LCORL: variants seen among roughly 807,000 people sequenced by gnomAD.
LCORL encodes the protein ligand dependent nuclear receptor corepressor like.
LCORL carries 41 observed loss-of-function variants against 141.8 expected under a neutral mutation model. That is an observed-to-expected ratio of 0.29 (90% CI 0.23 to 0.38). The LOEUF (loss-of-function observed/expected upper bound fraction) is 0.38. LCORL is among the 10% of genes least tolerant of loss of function. LCORL has a pLI of 1.00. For missense variants in LCORL, 1,759 were observed against 2,035.0 expected (o/e 0.86, Z 2.61); for synonymous variants, 618 against 694.1 (o/e 0.89, Z 1.72).
rs116669698 is a variant in LCORL, at chr4:18,011,240, C to G, written c.154+10358G>C. Among the ~76,000 whole-genome samples the G allele has an allele frequency of 2.7e-3, 404 of 152,100 alleles. 3 individuals carry two copies. The highest frequency in any genetic ancestry group is 9.2e-3 in the African/African-American group (382 of 41,490). On this transcript the variant is annotated intron_variant, in intron 1 of 7. Coordinates refer to ENST00000635767, the Ensembl canonical transcript of LCORL. ...GTTTTATTTCTCAAGTTGTTCAGAG[C>G]CCAAGCAGAATGTCTTAATACATTC...
At chr4:17,871,637 A>G (rs1029007553) in intron 7 of LCORL, among the ~76,000 whole-genome samples, 6 of 152,056 alleles carry the variant, frequency 3.9e-5, no homozygotes, top group African/African-American at 1.2e-4. Flanking sequence ...GATATAAAGA[A>G]TTAAAAATGA....
intron 6 of LCORL, chr4:17,883,993 A>G (rs1404102156): frequency 6.4e-7 from 1 of 1,550,800 alleles, no homozygotes. Flanking sequence ...TGGGCTGCTT[A>G]CTGTCTTTTC....
chr4:17,968,722 G>C (rs1460449444), intron 2 of LCORL, among the ~76,000 whole-genome samples: 1 of 152,158 alleles, frequency 6.6e-6, no homozygotes, highest in Non-Finnish European at 1.5e-5. Context: ...CAAGGAATGA[G>C]TGAGACTATG....
intron 7 of LCORL, among the ~76,000 whole-genome samples, chr4:17,854,404 C>A (rs1470641130): frequency 1.3e-5 from 2 of 152,136 alleles, no homozygotes; most frequent in African/African-American, 4.8e-5. Flanking sequence ...TCAAAGATAT[C>A]CGTGTTTTCA....
At chr4:17,896,559 G>C (rs1729958526) in intron 5 of LCORL, among the ~76,000 whole-genome samples, 1 of 152,150 alleles carries the variant, frequency 6.6e-6, no homozygotes, top group African/African-American at 2.4e-5. Context: ...TGGGATTACA[G>C]GTGTGAGCCA....
At chr4:17,934,579 A>C (rs1320557058) in intron 4 of LCORL, among the ~76,000 whole-genome samples, 2 of 152,168 alleles carry the variant, frequency 1.3e-5, no homozygotes, top group Non-Finnish European at 2.9e-5. Flanking sequence ...TTTATTCCTT[A>C]ATGAATAATG....
intron 4 of LCORL, among the ~76,000 whole-genome samples, chr4:17,914,449 T>C (rs1299629417): frequency 7.2e-5 from 11 of 152,226 alleles, no homozygotes; most frequent in Non-Finnish European, 1.3e-4. Context: ...GCACAATACA[T>C]AGTGCTACTC....
At position 17,910,749 on chromosome 4, in the gene LCORL, T is replaced by C. The variant is rs16896020; in HGVS notation, c.431-1404A>G. Reference sequence around the variant, plus strand: ...TAGCAAAACATGACTTAAGCTGATATAAGCTGGTCCTGCATAACTGTCAAT... The same window carrying C: ...TAGCAAAACATGACTTAAGCTGATACAAGCTGGTCCTGCATAACTGTCAAT... On this transcript the variant is annotated intron_variant, in intron 4 of 7. Transcript: ENST00000635767. Among the ~76,000 whole-genome samples the C allele has an allele frequency of 3.4e-3, 514 of 152,338 alleles. 7 individuals carry two copies. The highest frequency in any genetic ancestry group is 0.012 in the African/African-American group (480 of 41,570).
rs1238781739 is a variant in LCORL, at chr4:17,884,230, C to T, written c.776+1838G>A. Reference sequence around the variant, plus strand: ...TTTTGGAAACTTGATACATAACATCCAACAGACCAGAACCATCAGGTTGTG... The same window carrying T: ...TTTTGGAAACTTGATACATAACATCTAACAGACCAGAACCATCAGGTTGTG... On this transcript the variant is annotated intron_variant, in intron 6 of 7. Coordinates refer to ENST00000635767, the Ensembl canonical transcript of LCORL. This position sits in a 1 kb window ranked among gnomAD's most constrained non-coding sequence, Gnocchi z 4.4. 11 of 1,550,078 alleles carry T rather than the reference C, an allele frequency of 7.1e-6. No homozygotes were observed. The highest frequency in any genetic ancestry group is 1.7e-4 in the Middle Eastern group (1 of 5,992).
intron 4 of LCORL, among the ~76,000 whole-genome samples, chr4:17,917,050 T>C (rs375036460): frequency 6.6e-6 from 1 of 151,444 alleles, no homozygotes; most frequent in East Asian, 2.0e-4. Flanking sequence ...TCTCGGCTCA[T>C]TGCAACCTCT....
intron 5 of LCORL, among the ~76,000 whole-genome samples, chr4:17,892,557 G>A (rs1479523570): frequency 6.6e-6 from 1 of 151,944 alleles, no homozygotes; most frequent in African/African-American, 2.4e-5. Flanking sequence ...GATGTGTTTT[G>A]TTTTGTATAT....
intron 1 of LCORL, among the ~76,000 whole-genome samples, chr4:18,000,829 T>C (rs1467622488): frequency 1.3e-5 from 2 of 152,154 alleles, no homozygotes; most frequent in African/African-American, 4.8e-5. Context: ...CTTGATCTGG[T>C]GGTGGTTATA....
chr4:17,870,380 T>C (rs1726203198), intron 7 of LCORL, among the ~76,000 whole-genome samples: 1 of 152,150 alleles, frequency 6.6e-6, no homozygotes, highest in Admixed American at 6.5e-5. Flanking sequence ...AACACTCCTC[T>C]TCCAACTTCT....
At chr4:17,906,688 CTTTTTTTT>C (rs36083281) in intron 5 of LCORL, among the ~76,000 whole-genome samples, 2 of 134,020 alleles carry the variant, frequency 1.5e-5, no homozygotes, top group African/African-American at 2.8e-5. Context: ...TTTAAAATGC[CTTTTTTTT>C]TTTTTTTTTG....
intron 1 of LCORL, among the ~76,000 whole-genome samples, chr4:17,982,624 T>A (rs1489475604): frequency 6.6e-6 from 1 of 152,194 alleles, no homozygotes; most frequent in African/African-American, 2.4e-5. Flanking sequence ...ATGGAAATTT[T>A]TTTTCTTGTA....
intron 4 of LCORL, among the ~76,000 whole-genome samples, chr4:17,924,871 C>T (rs147376775): frequency 1.1e-3 from 164 of 152,154 alleles, no homozygotes; most frequent in African/African-American, 3.8e-3. Flanking sequence ...GGGGCTAGGG[C>T]GAAGTTCTCC....
Position 17,867,987 on chromosome 4 carries a change from T to C in LCORL, c.5602+5401A>G, listed in dbSNP as rs538857353. ...AAATATAAACAGAATGTATCTTTAT[T>C]AAAAATTCCTCAGGGGGGTTGGGTG... is the stretch of plus-strand genomic sequence containing the variant. On this transcript the variant is annotated intron_variant, in intron 7 of 7. Transcript: ENST00000635767. 9.2e-5 allele frequency among the ~76,000 whole-genome samples: 14 copies of C among 152,260 alleles called. No individual in the cohort carries two copies. In the South Asian group the frequency reaches 2.9e-3, roughly 32 times the overall value.
intron 4 of LCORL, among the ~76,000 whole-genome samples, chr4:17,958,284 A>T (rs1189662923): frequency 6.8e-6 from 1 of 147,414 alleles, no homozygotes; most frequent in Admixed American, 6.8e-5. Flanking sequence ...TGTGGGTATT[A>T]AAAAAAAAAG....
intron 1 of LCORL, among the ~76,000 whole-genome samples, chr4:17,989,582 C>A (rs1719609923): frequency 1.3e-5 from 2 of 152,130 alleles, no homozygotes; most frequent in South Asian, 2.1e-4. Context: ...GGAACACAAG[C>A]CGCATCAGTA....
Sources: allele counts gnomAD v4.1 joint callset (sites outside exome capture counted in the v4.1 genomes callset), GRCh38; gene constraint gnomAD v4.1.1; non-coding constraint Gnocchi (gnomAD v3.1); transcripts MANE v1.5; gene names NCBI Gene and HGNC (gene_info 2026-07-23, HGNC 2026-07-21).